Variants in CNTNAP4 observed in about 807,000 individuals in gnomAD.
CNTNAP4 encodes contactin associated protein family member 4, also known as contactin-associated protein-like 4.
A neutral mutation model predicts 148.4 loss-of-function variants in CNTNAP4; 98 were observed. The ratio of observed to expected loss-of-function variants is 0.66; its 90% CI spans 0.56 to 0.78. CNTNAP4 has a LOEUF of 0.78. Among genes scored for constraint, CNTNAP4 ranks in the 30% least tolerant of loss-of-function variants. The pLI, the probability that CNTNAP4 is intolerant of heterozygous loss-of-function variation, is 0.00. For missense variants in CNTNAP4, 1,935 were observed against 1,565.6 expected (o/e 1.24, Z -3.98); for synonymous variants, 730 against 565.1 (o/e 1.29, Z -4.14).
intron 17 of CNTNAP4, among the ~76,000 whole-genome samples, chr16:76,528,468 G>T (rs2083835934): frequency 6.6e-6 from 1 of 152,018 alleles, no homozygotes; most frequent in South Asian, 2.1e-4. Context: ...GTCTCCCTAT[G>T]TGCCCAGGCT....
intron 17 of CNTNAP4, among the ~76,000 whole-genome samples, chr16:76,534,972 A>C (rs991311571): frequency 1.3e-5 from 2 of 152,212 alleles, no homozygotes; most frequent in Non-Finnish European, 1.5e-5. Flanking sequence ...AAAACACTGA[A>C]CACTAGACTA....
In CNTNAP4 at chr16:76,497,661, T is replaced by TG. The variant is rs1396071335; in HGVS notation, c.2238-899dup. Among the ~76,000 whole-genome samples the TG allele has an allele frequency of 1.6e-4, 15 of 94,820 alleles. No homozygotes were observed. The East Asian group carries it at 3.3e-3, about 21-fold the overall frequency. 62.2% of individuals were successfully genotyped at this position (94,820 alleles called of 152,430 possible). ...GTTGAACAATGAGAACATAAGGACA[T>TG]GGGGGGGAACATCACACACTGGGTC... On this transcript the variant is annotated intron_variant, in intron 14 of 23. Transcript: ENST00000611870.
At chr16:76,473,450 G>GA (rs1478176427) in intron 10 of CNTNAP4, among the ~76,000 whole-genome samples, 1 of 151,892 alleles carries the variant, frequency 6.6e-6, no homozygotes, top group African/African-American at 2.4e-5. Flanking sequence ...GTTAAAATTG[G>GA]AAAAAATTCT....
At chr16:76,378,237 T>C (rs2015626365) in intron 3 of CNTNAP4, among the ~76,000 whole-genome samples, 1 of 152,098 alleles carries the variant, frequency 6.6e-6, no homozygotes, top group Non-Finnish European at 1.5e-5. Flanking sequence ...TATTGCACAA[T>C]ATATCCATGT....
chr16:76,486,665 G>C (rs2082039952), intron 12 of CNTNAP4, among the ~76,000 whole-genome samples: 1 of 152,208 alleles, frequency 6.6e-6, no homozygotes, highest in Non-Finnish European at 1.5e-5. Flanking sequence ...TCCCCCAGAT[G>C]CATTTGCTTA....
chr16:76,558,620 T>C lies in CNTNAP4; in HGVS notation c.3864T>C (p.Val1288=). ...AGAATGTAGACAGTGCTGAGGCTGT[T>C]CTGAAAAGTGAGCTTAATATACAAA... ...RSENVDSAEA[V]LKSELNIQNA... The change falls in exon 24 of 24, where the codon GTT becomes GTC. Residue 1288 remains valine, a synonymous_variant. Coordinates refer to ENST00000611870, the MANE Select transcript of CNTNAP4 (RefSeq NM_033401.5). 4 of 1,613,462 alleles carry C rather than the reference T, an allele frequency of 2.5e-6. No individual in the cohort carries two copies. The highest frequency in any genetic ancestry group is 3.4e-6 in the Non-Finnish European group (4 of 1,179,626).
At chr16:76,529,568 C>T (rs774689590) in intron 17 of CNTNAP4, among the ~76,000 whole-genome samples, 5 of 152,126 alleles carry the variant, frequency 3.3e-5, no homozygotes, top group African/African-American at 7.2e-5. Flanking sequence ...GATTTTTATT[C>T]AACCAGCTCC....
chr16:76,337,482 A>T (rs1485510108), intron 2 of CNTNAP4, among the ~76,000 whole-genome samples: 5 of 152,196 alleles, frequency 3.3e-5, no homozygotes, highest in Admixed American at 6.5e-5. Context: ...GGGGTGTACG[A>T]ATAGGGAGTA....
At chr16:76,427,350 T>G (rs1291056437) in intron 3 of CNTNAP4, 102 bp from the exon 4 acceptor site, 2 of 889,882 alleles carry the variant, frequency 2.2e-6, no homozygotes, top group Non-Finnish European at 3.4e-6. Flanking sequence ...GCACCATTCA[T>G]AGTAAAATGC....
chr16:76,448,683 A>G, intron 5 of CNTNAP4, 84 bp from the exon 6 acceptor site: 1 of 983,922 alleles, frequency 1.0e-6, no homozygotes. Flanking sequence ...ATTATTATGA[A>G]AGATGGTGGT....
intron 1 of CNTNAP4, among the ~76,000 whole-genome samples, chr16:76,315,718 C>T (rs1483273296): frequency 6.6e-6 from 1 of 152,092 alleles, no homozygotes; most frequent in East Asian, 1.9e-4. Flanking sequence ...CCTCAGCCTC[C>T]CTAGCAGCTG....
chr16:76,413,034 T>C (rs4371177), intron 3 of CNTNAP4, among the ~76,000 whole-genome samples: 1 of 151,098 alleles, frequency 6.6e-6, no homozygotes, highest in Admixed American at 6.6e-5. Flanking sequence ...TTTTGATACA[T>C]GCATGCAGTG....
At chr16:76,425,527 T>C (rs544472037) in intron 3 of CNTNAP4, among the ~76,000 whole-genome samples, 2 of 152,024 alleles carry the variant, frequency 1.3e-5, no homozygotes, top group East Asian at 3.9e-4. Context: ...CAGATAATGA[T>C]CAAATAAGAG....
chr16:76,341,785 G>T (rs1159401274), intron 2 of CNTNAP4, among the ~76,000 whole-genome samples: 1 of 152,180 alleles, frequency 6.6e-6, no homozygotes, highest in African/African-American at 2.4e-5. Context: ...GTAGTTCAGT[G>T]AGGATGTAAA....
At chr16:76,298,272 T>C (rs1269166391) in intron 1 of CNTNAP4, among the ~76,000 whole-genome samples, 2 of 152,228 alleles carry the variant, frequency 1.3e-5, no homozygotes, top group African/African-American at 4.8e-5. Context: ...TGAACCTGAA[T>C]AGAACTGTGT....
Position 76,475,844 on chromosome 16 carries a change from T to C in CNTNAP4, c.1656-95T>C, listed in dbSNP as rs530400414. On this transcript the variant is annotated intron_variant, in intron 10 of 23. Coordinates refer to ENST00000611870, the MANE Select transcript of CNTNAP4 (RefSeq NM_033401.5). ...AGCATCATTAGTCATTATGTTATAGTTGACATCTGTCTTTCTCATGACCAA... is the reference window on the plus strand; with the variant it reads ...AGCATCATTAGTCATTATGTTATAGCTGACATCTGTCTTTCTCATGACCAA... 3.9e-6 allele frequency: 3 copies of C among 762,482 alleles called. No individual in the cohort carries two copies. The South Asian group carries it at 5.0e-5, about 13-fold the overall frequency. The allele number at this position is 762,482 out of a possible 1,614,324, so 47.2% of individuals were successfully genotyped here.
intron 3 of CNTNAP4, among the ~76,000 whole-genome samples, chr16:76,413,497 T>G (rs755977425): frequency 3.6e-4 from 55 of 151,264 alleles, no homozygotes; most frequent in Non-Finnish European, 4.6e-4. Context: ...TCCAGTGATC[T>G]GTTTGAAGAA....
chr16:76,316,254 C>G (rs375053683), intron 1 of CNTNAP4, 159 bp from the exon 2 acceptor site: 1 of 688,570 alleles, frequency 1.5e-6, no homozygotes. Flanking sequence ...ATTGAACTTA[C>G]TAGACTTCTA....
intron 3 of CNTNAP4, among the ~76,000 whole-genome samples, chr16:76,366,992 T>C (rs901737626): frequency 6.6e-6 from 1 of 151,980 alleles, no homozygotes; most frequent in Non-Finnish European, 1.5e-5. Flanking sequence ...GAGAAATAAC[T>C]AAGTTAATTA....
Sources: gnomAD v4.1 joint callset for allele counts (sites outside exome capture counted in the v4.1 genomes callset) on GRCh38, gnomAD v4.1.1 for gene constraint, MANE v1.5 for transcripts, NCBI Gene and HGNC (gene_info 2026-07-23, HGNC 2026-07-21) for gene names.